The following NTN1 variants were observed in gnomAD, a reference collection of about 807,000 sequenced individuals.
NTN1 encodes the protein netrin-1.
A neutral mutation model predicts 54.2 loss-of-function variants in NTN1; 11 were observed. The ratio of observed to expected loss-of-function variants is 0.20; its 90% CI spans 0.13 to 0.34. The LOEUF is 0.34. NTN1 is among the 10% of genes least tolerant of loss of function. The pLI is 1.00. For synonymous variants in NTN1, 371 were observed against 382.0 expected (o/e 0.97, Z 0.33); for missense variants, 740 against 893.1 (o/e 0.83, Z 2.18).
intron 2 of NTN1, among the ~76,000 whole-genome samples, chr17:9,106,484 CCTTCCTTCCTT>C (rs2092167028): frequency 2.7e-5 from 1 of 36,576 alleles, no homozygotes; most frequent in Admixed American, 3.0e-4. Flanking sequence ...TTCCTTCCTT[CCTTCCTTCCTT>C]CCTTCCTTCC....
In NTN1 at chr17:9,162,806, C is replaced by T; in HGVS notation, c.1019-7C>T. 1 of 1,607,050 alleles carries T rather than the reference C, an allele frequency of 6.2e-7. No homozygotes were observed. Reference sequence around the variant, plus strand: ...CGGCTGACACCTCTCTCTGTCTCCCCCTGCAGCCTGTAACTGCAACCTGCA... The same window carrying T: ...CGGCTGACACCTCTCTCTGTCTCCCTCTGCAGCCTGTAACTGCAACCTGCA... On this transcript the variant is annotated splice_region_variant and splice_polypyrimidine_tract_variant and intron_variant, in intron 2 of 6. Coordinates refer to ENST00000173229, the MANE Select transcript of NTN1 (RefSeq NM_004822.3).
intron 5 of NTN1, among the ~76,000 whole-genome samples, chr17:9,203,375 A>G (rs1904867824): frequency 6.6e-6 from 1 of 152,236 alleles, no homozygotes. Context: ...ATAAACAGAT[A>G]AGTGGCTCCA....
chr17:9,107,697 A>T (rs1371231733), intron 2 of NTN1, among the ~76,000 whole-genome samples: 1 of 152,188 alleles, frequency 6.6e-6, no homozygotes, highest in Non-Finnish European at 1.5e-5. Flanking sequence ...CTGGCCACCT[A>T]CTTTTGTAAA....
At chr17:9,047,206 A>G (rs1482524014) in intron 2 of NTN1, among the ~76,000 whole-genome samples, 1 of 152,094 alleles carries the variant, frequency 6.6e-6, no homozygotes. Context: ...CTGGGTGGTA[A>G]TTTCTTAAAG....
intron 2 of NTN1, among the ~76,000 whole-genome samples, chr17:9,124,980 G>A (rs554442752): frequency 6.6e-6 from 1 of 152,316 alleles, no homozygotes; most frequent in Admixed American, 6.5e-5. Context: ...CATGTTAGCA[G>A]TCACTCTTTG....
chr17:9,093,965 C>A (rs1301933405), intron 2 of NTN1, among the ~76,000 whole-genome samples: 3 of 151,862 alleles, frequency 2.0e-5, no homozygotes, highest in African/African-American at 7.3e-5. Context: ...CAGAGCGAGA[C>A]CCTGTCTCAA....
At chr17:9,202,055 C>CAAAA (rs773720564) in intron 5 of NTN1, among the ~76,000 whole-genome samples, 1 of 48,346 alleles carries the variant, frequency 2.1e-5, no homozygotes, top group Non-Finnish European at 3.4e-5. Flanking sequence ...CACACACACA[C>CAAAA]AAAAAAAAAA....
At chr17:9,133,201 G>T (rs79772082) in intron 2 of NTN1, among the ~76,000 whole-genome samples, 7 of 152,190 alleles carry the variant, frequency 4.6e-5, no homozygotes, top group African/African-American at 1.7e-4. Context: ...GCTCCTGGGG[G>T]AGTCTGACGG....
chr17:9,028,868 T>A (rs766752566), intron 2 of NTN1, among the ~76,000 whole-genome samples: 2 of 152,220 alleles, frequency 1.3e-5, no homozygotes, highest in Admixed American at 1.3e-4. Flanking sequence ...AATGGCTCTC[T>A]AGGGAACTGG....
chr17:9,224,255 G>A (rs1408336361), intron 6 of NTN1, among the ~76,000 whole-genome samples: 1 of 152,116 alleles, frequency 6.6e-6, no homozygotes, highest in Non-Finnish European at 1.5e-5. Flanking sequence ...CTTCTCTTCA[G>A]GCAGCCCCTC....
At chr17:9,041,717 C>G (rs967589099) in intron 2 of NTN1, among the ~76,000 whole-genome samples, 3 of 152,054 alleles carry the variant, frequency 2.0e-5, no homozygotes, top group African/African-American at 7.2e-5. Flanking sequence ...GGTTATAAGA[C>G]AACTATCTCA....
rs564060341 is a variant in NTN1, at chr17:9,185,214, G to T, written c.1411+2245G>T. The stretch of plus-strand genomic sequence containing the variant: ...AGCCATCTCTGGGACACAAGTGCTG[G>T]ACCGTGGGGCCTCCTACCACAGGGA... On this transcript the variant is annotated intron_variant, in intron 5 of 6. Transcript: ENST00000173229. Among the ~76,000 whole-genome samples the T allele has an allele frequency of 6.6e-5, 10 of 152,230 alleles. No individual in the cohort carries two copies. In the East Asian group the frequency reaches 1.7e-3, roughly 27 times the overall value.
At chr17:9,137,650 T>C (rs1189731345) in intron 2 of NTN1, among the ~76,000 whole-genome samples, 6 of 152,004 alleles carry the variant, frequency 3.9e-5, no homozygotes, top group Admixed American at 3.9e-4. Flanking sequence ...AAAAATTAGC[T>C]GAGTGTGATG....
intron 3 of NTN1, among the ~76,000 whole-genome samples, chr17:9,167,221 CTG>C (rs2092375920): frequency 6.6e-6 from 1 of 152,152 alleles, no homozygotes; most frequent in Non-Finnish European, 1.5e-5. Context: ...GCTGAATGGT[CTG>C]TGAATGATAC....
In NTN1 at chr17:9,022,715, G is replaced by C. The variant is rs73262152; in HGVS notation, c.342G>C (p.Pro114=). 4.4e-6 allele frequency: 7 copies of C among 1,602,446 alleles called. No individual in the cohort carries two copies. In the Admixed American group the frequency reaches 1.0e-4, roughly 23 times the overall value. ...PPAFLTDLNN[P]HNLTCWQSEN... The stretch of plus-strand genomic sequence containing the variant: ...CCTTCCTCACCGACCTCAACAACCC[G>C]CACAACCTGACGTGCTGGCAGTCCG... Residue 114 remains proline, a synonymous_variant, in exon 2 of 7, where the codon CCG becomes CCC. Transcript: ENST00000173229.
chr17:9,006,868 C>T, the NTN1 span, among the ~76,000 whole-genome samples: 13 of 152,238 alleles, frequency 8.5e-5, no homozygotes, highest in Admixed American at 5.9e-4. Flanking sequence ...GTAGCACCCA[C>T]TCTTGGGGCC....
chr17:9,182,922 C>T lies in NTN1; in HGVS notation c.1364C>T (p.Pro455Leu). The T allele has an allele frequency of 6.2e-7, 1 of 1,614,130 alleles. No homozygotes were observed. The highest frequency in any genetic ancestry group is 8.5e-7 in the Non-Finnish European group (1 of 1,180,002). ...RSPIAPCIKIPVAPPTTAASS... is the reference protein window; with the variant it reads ...RSPIAPCIKILVAPPTTAASS... ...CGTCTTGAACCTCACAAAGAGATCC[C>T]TGTAGCGCCGCCGACGACTGCAGCC... Residue 455 changes from proline (P) to leucine (L), a missense_variant, in exon 5 of 7, where the codon CCT becomes CTT. Physicochemically the swap from Pro to Leu is moderately conservative, Grantham distance 98 (BLOSUM62 -3). Transcript: ENST00000173229.
At chr17:9,187,538 G>A (rs2092436895) in intron 5 of NTN1, among the ~76,000 whole-genome samples, 1 of 151,970 alleles carries the variant, frequency 6.6e-6, no homozygotes, top group African/African-American at 2.4e-5. Context: ...ATGGCCAGGT[G>A]CGGTGGCTCA....
At chr17:9,030,701 C>T (rs151229261) in intron 2 of NTN1, among the ~76,000 whole-genome samples, 4,317 of 151,006 alleles carry the variant, frequency 0.029, 207 homozygotes, top group African/African-American at 0.1. Context: ...GCCAAGATCA[C>T]GCCACTGCAC....
Sources: gnomAD v4.1 joint callset for allele counts (sites outside exome capture counted in the v4.1 genomes callset) on GRCh38, gnomAD v4.1.1 for gene constraint, MANE v1.5 for transcripts, NCBI Gene and HGNC (gene_info 2026-07-23, HGNC 2026-07-21) for gene names.